Variants in ANKS4B observed in about 807,000 individuals in gnomAD.
ANKS4B encodes the protein ankyrin repeat and SAM domain-containing protein 4B.
ANKS4B carries 21 observed loss-of-function variants against 20.2 expected under a neutral mutation model. That is an observed-to-expected ratio of 1.04 (90% CI 0.74 to 1.50). The LOEUF is 1.50. Among genes scored for constraint, ANKS4B ranks in the 40% most tolerant of loss-of-function variants. The pLI, the probability that ANKS4B is intolerant of heterozygous loss-of-function variation, is 0.00. For synonymous variants in ANKS4B, 179 were observed against 194.5 expected (o/e 0.92, Z 0.66); for missense variants, 473 against 494.6 (o/e 0.96, Z 0.41).
intron 1 of ANKS4B, among the ~76,000 whole-genome samples, chr16:21,244,752 C>A (rs190416588): frequency 6.6e-6 from 1 of 152,086 alleles, no homozygotes; most frequent in Non-Finnish European, 1.5e-5. Context: ...CCTTAAGATG[C>A]GGGTCTGTGC....
At chr16:21,245,864 T>G (rs1311201884) in intron 1 of ANKS4B, among the ~76,000 whole-genome samples, 1 of 152,168 alleles carries the variant, frequency 6.6e-6, no homozygotes, top group Non-Finnish European at 1.5e-5. Flanking sequence ...GATTATGAGT[T>G]TGGGGGCAAG....
chr16:21,236,136 G>A (rs186586714), intron 1 of ANKS4B, among the ~76,000 whole-genome samples: 1 of 152,214 alleles, frequency 6.6e-6, no homozygotes, highest in Admixed American at 6.5e-5. Flanking sequence ...GGAGCCTTCA[G>A]GAAGCTTCCA....
rs1451408777 is a variant in ANKS4B, at chr16:21,252,333, G to C, written c.*1513G>C. On this transcript the variant is annotated 3_prime_UTR_variant, in exon 2 of 2. Coordinates refer to ENST00000311620, the MANE Select transcript of ANKS4B (RefSeq NM_145865.3). The stretch of plus-strand genomic sequence containing the variant: ...AGAAGGTGGCCGTCTGCAAGCCGAG[G>C]AGGGGGCCTCAGGAGAAACCAACCC... 1.3e-5 allele frequency: 2 copies of C among 152,312 alleles called. No homozygotes were observed. The highest frequency in any genetic ancestry group is 4.8e-5 in the African/African-American group (2 of 41,472). The allele number at this position is 152,312 out of a possible 1,614,324, so 9.4% of individuals were successfully genotyped here.
chr16:21,250,620 T>C lies in ANKS4B; in HGVS notation c.1054T>C (p.Leu352=). The C allele has an allele frequency of 6.2e-7, 1 of 1,614,120 alleles. No homozygotes were observed. Among genetic ancestry groups the C allele is most frequent in the Non-Finnish European group, 8.5e-7 (1 of 1,179,962 alleles). ...VVDATPLEVF[L]LSQHLEEFLP... is the part of the protein sequence containing the mutation. ...CGATGCCACGCCCCTGGAAGTGTTCTTGCTGTCTCAGCACCTGGAAGAATT... is the reference window on the plus strand; with the variant it reads ...CGATGCCACGCCCCTGGAAGTGTTCCTGCTGTCTCAGCACCTGGAAGAATT... The change falls in exon 2 of 2, where the codon TTG becomes CTG. Residue 352 remains leucine, a synonymous_variant. Transcript: ENST00000311620.
rs1286862105 is a variant in ANKS4B, at chr16:21,252,673, A to G, written c.*1853A>G. ...TCACATTTTCATGCTTATTATGTAC[A>G]CATGGTTTATTTACTGTTGTCTGTC... On this transcript the variant is annotated 3_prime_UTR_variant, in exon 2 of 2. Transcript: ENST00000311620. 6.6e-6 allele frequency: 1 copy of G among 152,216 alleles called. No homozygotes were observed. The highest frequency in any genetic ancestry group is 1.9e-4 in the East Asian group (1 of 5,198). 9.4% of individuals were successfully genotyped at this position (152,216 alleles called of 1,614,324 possible). A position where few individuals can be genotyped will look rare whatever the true frequency, so the allele number is the denominator to read the frequency against.
Position 21,236,430 on chromosome 16 carries a change from GT to G in ANKS4B, c.164+2532del, listed in dbSNP as rs755294169. ...AGTGAGTTTGTCCTCCTAGAAGAGG[GT>G]TTGGGGGTTCTGGGGTTCTTCTCAG... On this transcript the variant is annotated intron_variant, in intron 1 of 1. Coordinates refer to ENST00000311620, the MANE Select transcript of ANKS4B (RefSeq NM_145865.3). Among the ~76,000 whole-genome samples, 4 of 152,184 alleles carry G rather than the reference GT, an allele frequency of 2.6e-5. No homozygotes were observed. The South Asian group carries it at 8.3e-4, about 32-fold the overall frequency.
In ANKS4B at chr16:21,249,790, A is replaced by G. The variant is rs750113646; in HGVS notation, c.224A>G (p.Asn75Ser). Residue 75 changes from asparagine to serine, a missense_variant, in exon 2 of 2, where the codon AAT becomes AGT. Physicochemically the swap from Asn to Ser is conservative, Grantham distance 46. Transcript: ENST00000311620. ...GNTPLHFAAS[N>S]GHAHCVSFLV... ...ACTCCTCTACATTTTGCAGCCTCCA[A>G]TGGCCATGCCCACTGCGTCTCATTC... The G allele has an allele frequency of 8.1e-6, 13 of 1,614,132 alleles. No homozygotes were observed. The highest frequency in any genetic ancestry group is 1.3e-5 in the African/African-American group (1 of 75,022).
intron 1 of ANKS4B, among the ~76,000 whole-genome samples, chr16:21,247,000 G>A (rs536957786): frequency 6.6e-6 from 1 of 152,034 alleles, no homozygotes; most frequent in African/African-American, 2.4e-5. Flanking sequence ...AATCACCTGC[G>A]GATCTTGCTA....
intron 1 of ANKS4B, among the ~76,000 whole-genome samples, chr16:21,235,690 T>A (rs1450566567): frequency 6.6e-6 from 1 of 152,072 alleles, no homozygotes; most frequent in African/African-American, 2.4e-5. Context: ...AAAAGGAGGG[T>A]TAAGGTCCCA....
chr16:21,243,262 A>G (rs895842912), intron 1 of ANKS4B, among the ~76,000 whole-genome samples: 1 of 152,176 alleles, frequency 6.6e-6, no homozygotes, highest in African/African-American at 2.4e-5. Flanking sequence ...TCAAGGGAAA[A>G]ATGGGTTATT....
At chr16:21,245,618 C>T in intron 1 of ANKS4B, among the ~76,000 whole-genome samples, 1 of 152,066 alleles carries the variant, frequency 6.6e-6, no homozygotes, top group East Asian at 1.9e-4. Context: ...GCGCGCACCA[C>T]CATGCCTGGC....
intron 1 of ANKS4B, among the ~76,000 whole-genome samples, chr16:21,242,005 C>T (rs2093327097): frequency 6.6e-6 from 1 of 151,968 alleles, no homozygotes; most frequent in Admixed American, 6.6e-5. Flanking sequence ...CGAGACTAGC[C>T]TGGGCAACAT....
At chr16:21,234,759 C>T (rs889250652) in intron 1 of ANKS4B, among the ~76,000 whole-genome samples, 1 of 152,100 alleles carries the variant, frequency 6.6e-6, no homozygotes, top group Non-Finnish European at 1.5e-5. Flanking sequence ...CCACTGGGCA[C>T]ACTGTGATCA....
intron 1 of ANKS4B, 104 bp downstream of exon 1, chr16:21,234,005 C>G (rs2093317054): frequency 8.9e-7 from 1 of 1,124,216 alleles, no homozygotes; most frequent in African/African-American, 1.6e-5. Flanking sequence ...TATCCTCTTT[C>G]TAGATTGTCT....
intron 1 of ANKS4B, chr16:21,238,993 T>G (rs2093323359): frequency 6.6e-6 from 1 of 152,192 alleles, no homozygotes. Context: ...TGACCATAGC[T>G]AATCCTGGGA....
intron 1 of ANKS4B, among the ~76,000 whole-genome samples, chr16:21,238,062 G>A (rs1265771508): frequency 6.6e-6 from 1 of 152,148 alleles, no homozygotes; most frequent in Non-Finnish European, 1.5e-5. Flanking sequence ...TCAGGAGGCT[G>A]AGGCACAAAT....
At chr16:21,245,124 C>T (rs908213748) in intron 1 of ANKS4B, among the ~76,000 whole-genome samples, 3 of 152,174 alleles carry the variant, frequency 2.0e-5, no homozygotes, top group Non-Finnish European at 2.9e-5. Context: ...TGAGCCAACA[C>T]TTAAAAATCA....
rs2093338447 is a variant in ANKS4B at position 21,250,768 on chromosome 16, G to A, written c.1202G>A (p.Arg401Lys). 2 of 1,604,342 alleles carry A rather than the reference G, an allele frequency of 1.2e-6. No homozygotes were observed. Among genetic ancestry groups the A allele is most frequent in the Non-Finnish European group, 1.7e-6 (2 of 1,172,010 alleles). ...AAGAAAGTTCTGAATGCTATCAACA[G>A]GAGGAAGCAGGTGCTTCAACAGCCT... ...PRKKVLNAIN[R>K]RKQVLQQPGQ... Residue 401 changes from arginine (R) to lysine (K), a missense_variant, in exon 2 of 2, where the codon AGG becomes AAG. By Grantham distance (26) the Arg-to-Lys change is conservative. Transcript: ENST00000311620.
In ANKS4B at chr16:21,253,649, G is replaced by C. The variant is rs891510880; in HGVS notation, c.*2829G>C. 3 of 152,138 alleles carry C rather than the reference G, an allele frequency of 2.0e-5. No individual in the cohort carries two copies. The highest frequency in any genetic ancestry group is 7.2e-5 in the African/African-American group (3 of 41,420). The allele number at this position is 152,138 out of a possible 1,614,324, so 9.4% of individuals were successfully genotyped here. On this transcript the variant is annotated 3_prime_UTR_variant, in exon 2 of 2. Transcript: ENST00000311620. Reference sequence around the variant, plus strand: ...CACTCAGGTTGGTAGAAATGAACTTGAACATTGACTCTCATCCCTTTTTAG... The same window carrying C: ...CACTCAGGTTGGTAGAAATGAACTTCAACATTGACTCTCATCCCTTTTTAG...
Sources: allele counts gnomAD v4.1 joint callset (sites outside exome capture counted in the v4.1 genomes callset), GRCh38; gene constraint gnomAD v4.1.1; transcripts MANE v1.5; gene names NCBI Gene and HGNC (gene_info 2026-07-23, HGNC 2026-07-21).